The following LRP1B variants were observed in gnomAD, a reference collection of about 807,000 sequenced individuals.
LRP1B encodes LDL receptor related protein 1B.
In LRP1B, 217 loss-of-function variants were observed where a neutral mutation model predicts 556.6. The observed-to-expected ratio is 0.39, with a 90% CI of 0.35 to 0.44. The LOEUF (loss-of-function observed/expected upper bound fraction) is 0.44. Among genes scored for constraint, LRP1B ranks in the 20% least tolerant of loss-of-function variants. The pLI, the probability that LRP1B is intolerant of heterozygous loss-of-function variation, is 1.00. For synonymous variants in LRP1B, 2,047 were observed against 1,865.8 expected, an observed-to-expected ratio of 1.10 and a Z score of -2.50; for missense variants, 5,053 against 5,620.8, an observed-to-expected ratio of 0.90 and a Z score of 3.23.
intron 1 of LRP1B, among the ~76,000 whole-genome samples, chr2:141,940,630 A>C (rs1700769238): frequency 6.6e-6 from 1 of 152,180 alleles, no homozygotes; most frequent in South Asian, 2.1e-4. Context: ...CCTTAGGAGG[A>C]GAATTTGAAT....
intron 41 of LRP1B, among the ~76,000 whole-genome samples, chr2:140,660,834 G>A (rs1017869740): frequency 6.8e-6 from 1 of 148,076 alleles, no homozygotes; most frequent in African/African-American, 2.5e-5. Flanking sequence ...TTTCCAATTT[G>A]TTGCTATTTC....
chr2:141,478,980 T>A (rs1463543774), intron 3 of LRP1B, among the ~76,000 whole-genome samples: 1 of 152,224 alleles, frequency 6.6e-6, no homozygotes, highest in Non-Finnish European at 1.5e-5. Flanking sequence ...GCTGATTTTT[T>A]ATGTAATTTT....
At chr2:140,478,489 T>C (rs1688074340) in intron 59 of LRP1B, among the ~76,000 whole-genome samples, 2 of 152,238 alleles carry the variant, frequency 1.3e-5, no homozygotes, top group African/African-American at 4.8e-5. Flanking sequence ...GGAGATCATA[T>C]AGCTTAAAGC....
intron 2 of LRP1B, among the ~76,000 whole-genome samples, chr2:141,695,572 A>G (rs906652235): frequency 2.0e-5 from 3 of 151,954 alleles, no homozygotes; most frequent in Non-Finnish European, 4.4e-5. Context: ...TATGTGATAA[A>G]GCTGATTTGA....
At chr2:141,099,447 A>G (rs561068471) in intron 7 of LRP1B, among the ~76,000 whole-genome samples, 1 of 150,792 alleles carries the variant, frequency 6.6e-6, no homozygotes, top group South Asian at 2.1e-4. Context: ...CAAAGCACAG[A>G]GACTAGATGG....
intron 1 of LRP1B, among the ~76,000 whole-genome samples, chr2:141,938,207 A>G (rs1034107712): frequency 1.3e-5 from 2 of 152,158 alleles, no homozygotes; most frequent in African/African-American, 4.8e-5. Flanking sequence ...CCATATATCT[A>G]ATAAGGGGTT....
intron 3 of LRP1B, among the ~76,000 whole-genome samples, chr2:141,377,615 A>G (rs1043376896): frequency 6.6e-6 from 1 of 152,140 alleles, no homozygotes; most frequent in Non-Finnish European, 1.5e-5. Context: ...AAAATGCACA[A>G]TTGAATTTCA....
chr2:141,384,179 TG>T (rs1444214027), intron 3 of LRP1B, among the ~76,000 whole-genome samples: 1 of 151,596 alleles, frequency 6.6e-6, no homozygotes, highest in Non-Finnish European at 1.5e-5. Flanking sequence ...GGAGCTGACA[TG>T]GAAAACACAT....
At chr2:140,771,647 G>T (rs968263684) in intron 33 of LRP1B, among the ~76,000 whole-genome samples, 6 of 152,054 alleles carry the variant, frequency 3.9e-5, no homozygotes, top group African/African-American at 1.4e-4. Context: ...TCACAGATAG[G>T]CATTCTAGAA....
At chr2:141,943,814 A>C (rs1700883158) in intron 1 of LRP1B, among the ~76,000 whole-genome samples, 1 of 152,168 alleles carries the variant, frequency 6.6e-6, no homozygotes, top group Admixed American at 6.6e-5. Context: ...ATAATGTAGG[A>C]AAATCCGGGT....
chr2:141,784,633 A>AC (rs776420644), intron 2 of LRP1B, among the ~76,000 whole-genome samples: 6 of 151,866 alleles, frequency 4.0e-5, no homozygotes, highest in Non-Finnish European at 8.8e-5. Flanking sequence ...TGTTTTCCTT[A>AC]CCCCAGGGAA....
chr2:140,267,316 A>T (rs567249604), intron 86 of LRP1B, among the ~76,000 whole-genome samples: 131 of 152,128 alleles, frequency 8.6e-4, no homozygotes, highest in African/African-American at 2.6e-3. Flanking sequence ...TGAGGAATGC[A>T]GTATAGTCAT....
rs1363387599 is a variant in LRP1B, at chr2:140,321,264, T to A, written c.12640+699A>T. Among the ~76,000 whole-genome samples the A allele has an allele frequency of 3.3e-5, 5 of 152,010 alleles. No individual in the cohort carries two copies. The South Asian group carries it at 1.0e-3, about 31-fold the overall frequency. On this transcript the variant is annotated intron_variant, in intron 82 of 90. Transcript: ENST00000389484. ...TTTTTTATTTTTTGTTATTTAATAT[T>A]TAGCATCTGAAGTAATGTTTCAATT...
chr2:142,052,279 A>C (rs1375833121), intron 1 of LRP1B, among the ~76,000 whole-genome samples: 2 of 152,162 alleles, frequency 1.3e-5, no homozygotes, highest in East Asian at 3.9e-4. Flanking sequence ...ATTTTCCTCA[A>C]ATCCCTAGAG....
chr2:140,685,918 A>C (rs1409743855), intron 41 of LRP1B, among the ~76,000 whole-genome samples: 1 of 152,134 alleles, frequency 6.6e-6, no homozygotes, highest in Non-Finnish European at 1.5e-5. Context: ...GGAAGTGATA[A>C]AGATATTCAG....
At chr2:141,753,924 G>A (rs892511068) in intron 2 of LRP1B, among the ~76,000 whole-genome samples, 1 of 151,962 alleles carries the variant, frequency 6.6e-6, no homozygotes, top group Non-Finnish European at 1.5e-5. Context: ...CTAATACCCA[G>A]GAGTGTACAT....
At chr2:140,582,341 T>C (rs1681802349) in intron 43 of LRP1B, among the ~76,000 whole-genome samples, 1 of 150,696 alleles carries the variant, frequency 6.6e-6, no homozygotes, top group Non-Finnish European at 1.5e-5. Context: ...GGGATGCTAA[T>C]GTACATTCTG....
rs187389687 is a variant in LRP1B at position 140,305,716 on chromosome 2, T to A, written c.12806-7747A>T. 9.9e-3 allele frequency among the ~76,000 whole-genome samples: 1,514 copies of A among 152,268 alleles called. 25 individuals carry two copies. The highest frequency in any genetic ancestry group is 0.033 in the African/African-American group (1,380 of 41,566). ...TGAATAGGAGTGGTGAGAGAGGGCA[T>A]CCCTGTCTTGTGCCGGTTTTCAAAG... On this transcript the variant is annotated intron_variant, in intron 83 of 90. Transcript: ENST00000389484.
chr2:141,923,427 A>T (rs1700244971), intron 1 of LRP1B, among the ~76,000 whole-genome samples: 1 of 127,750 alleles, frequency 7.8e-6, no homozygotes, highest in African/African-American at 2.9e-5. Flanking sequence ...ATATATAGTG[A>T]CAAAGAGATT....
Sources: gnomAD v4.1 joint callset for allele counts (sites outside exome capture counted in the v4.1 genomes callset) on GRCh38, gnomAD v4.1.1 for gene constraint, MANE v1.5 for transcripts, NCBI Gene and HGNC (gene_info 2026-07-23, HGNC 2026-07-21) for gene names.